Variants in CNTLN observed in about 807,000 individuals in gnomAD.
CNTLN encodes centlein.
Under a neutral mutation model 180.0 loss-of-function variants are expected in CNTLN, and 212 were observed. That is an observed-to-expected ratio of 1.18 (90% CI 1.05 to 1.32). The LOEUF (loss-of-function observed/expected upper bound fraction) is 1.32. CNTLN is among the 40% of genes most tolerant of loss of function. CNTLN has a pLI of 0.00. For missense variants in CNTLN, 2,095 were observed against 1,610.9 expected (o/e 1.30, Z -5.14); for synonymous variants, 722 against 563.1 (o/e 1.28, Z -3.99).
At chr9:17,135,790 T>A (rs1167440320) in intron 1 of CNTLN, among the ~76,000 whole-genome samples, 2 of 152,208 alleles carry the variant, frequency 1.3e-5, no homozygotes, top group African/African-American at 4.8e-5. Flanking sequence ...AGTCCACTAG[T>A]TGAAATGAAC....
chr9:17,270,098 C>G lies in CNTLN; in HGVS notation c.850-3635C>G, dbSNP rs143228357. On this transcript the variant is annotated intron_variant, in intron 5 of 25. Coordinates refer to ENST00000380647, the MANE Select transcript of CNTLN (RefSeq NM_017738.4). ...TGGCTGCTAATAAGAATGGTTTACT[C>G]TTTCTGTTAATATTTATATATTTAA... is the stretch of plus-strand genomic sequence containing the variant. 2.0e-5 allele frequency among the ~76,000 whole-genome samples: 3 copies of G among 151,894 alleles called. No individual in the cohort carries two copies. The East Asian group carries it at 5.8e-4, about 29-fold the overall frequency.
At chr9:17,368,179 G>T (rs1823993942) in intron 13 of CNTLN, among the ~76,000 whole-genome samples, 1 of 152,134 alleles carries the variant, frequency 6.6e-6, no homozygotes, top group East Asian at 1.9e-4. Flanking sequence ...GAGCCCTTGG[G>T]CTTTAAGGAA....
At chr9:17,412,923 A>C (rs1426967074) in intron 16 of CNTLN, among the ~76,000 whole-genome samples, 1 of 152,232 alleles carries the variant, frequency 6.6e-6, no homozygotes, top group Admixed American at 6.5e-5. Context: ...AGAATTAGAA[A>C]GTCTCAGCAA....
At chr9:17,500,330 T>C (rs1833675382) in intron 25 of CNTLN, among the ~76,000 whole-genome samples, 1 of 152,206 alleles carries the variant, frequency 6.6e-6, no homozygotes, top group African/African-American at 2.4e-5. Flanking sequence ...AGCTTGACTT[T>C]TTAAAGGTAA....
chr9:17,329,265 A>T (rs987614), intron 8 of CNTLN, among the ~76,000 whole-genome samples: 152,174 of 152,176 alleles, frequency 1, 76,086 homozygotes, highest in Non-Finnish European at 1. Context: ...CCTTTGAAAT[A>T]GTTTAGCTTG....
intron 5 of CNTLN, among the ~76,000 whole-genome samples, chr9:17,259,524 T>C (rs568994435): frequency 6.7e-6 from 1 of 150,242 alleles, no homozygotes; most frequent in East Asian, 2.0e-4. Context: ...CTTTTTCTAT[T>C]GATTGGAATA....
intron 6 of CNTLN, among the ~76,000 whole-genome samples, chr9:17,279,829 T>TGGGCCTTTAAGAGGCCGTTGGGTCATGA (rs71331479): frequency 0.36 from 44,299 of 122,144 alleles, 6,559 homozygotes; most frequent in South Asian, 0.54. Context: ...TGTGGGACAT[T>TGGGCCTTTAAGAGGCCGTTGGGTCATGA]GGGCTCTGCC....
chr9:17,285,001 A>ATT (rs61284504), intron 6 of CNTLN, among the ~76,000 whole-genome samples: 2,244 of 144,782 alleles, frequency 0.015, 56 homozygotes, highest in African/African-American at 0.053. Context: ...TTCTGCCTTA[A>ATT]TTTTTTTTTT....
Position 17,489,783 on chromosome 9 carries a change from G to A in CNTLN, c.4119+2717G>A, listed in dbSNP as rs532213813. On this transcript the variant is annotated intron_variant, in intron 25 of 25. Transcript: ENST00000380647. ...ACTCAGATATATGCCATTATTTCAA[G>A]TAGTTGTGATGCTATTGGTAATTTT... Among the ~76,000 whole-genome samples, 3 of 152,168 alleles carry A rather than the reference G, an allele frequency of 2.0e-5. No individual in the cohort carries two copies. In the East Asian group the frequency reaches 5.8e-4, roughly 29 times the overall value.
At chr9:17,363,865 A>AATATATATTTTTTAAAAT (rs1823596864) in intron 12 of CNTLN, among the ~76,000 whole-genome samples, 1 of 152,030 alleles carries the variant, frequency 6.6e-6, no homozygotes, top group African/African-American at 2.4e-5. Context: ...TTCTTCTTAA[A>AATATATATTTTTTAAAAT]ATATATATTT....
chr9:17,287,896 C>G (rs1405638194), intron 6 of CNTLN, among the ~76,000 whole-genome samples: 1 of 146,054 alleles, frequency 6.8e-6, no homozygotes, highest in Non-Finnish European at 1.5e-5. Context: ...ATTCTTCTCT[C>G]TTTTTTTCTT....
At chr9:17,247,032 C>A (rs1825837523) in intron 5 of CNTLN, among the ~76,000 whole-genome samples, 1 of 152,152 alleles carries the variant, frequency 6.6e-6, no homozygotes, top group African/African-American at 2.4e-5. Context: ...TCTTAATTCT[C>A]TACTCTCCTT....
chr9:17,187,236 T>C (rs1213639167), intron 2 of CNTLN, among the ~76,000 whole-genome samples: 2 of 152,112 alleles, frequency 1.3e-5, no homozygotes, highest in Non-Finnish European at 2.9e-5. Context: ...ATATCTGCTT[T>C]ATCTACTTTC....
intron 7 of CNTLN, among the ~76,000 whole-genome samples, chr9:17,307,964 C>G (rs1289117289): frequency 7.2e-6 from 1 of 137,958 alleles, no homozygotes; most frequent in Non-Finnish European, 1.5e-5. Flanking sequence ...TACTGTTAGC[C>G]TTTAAAACCA....
intron 24 of CNTLN, among the ~76,000 whole-genome samples, chr9:17,486,118 T>C (rs1463412031): frequency 6.6e-6 from 1 of 152,158 alleles, no homozygotes; most frequent in Admixed American, 6.5e-5. Flanking sequence ...GATTTCATTA[T>C]AGACCAGAGC....
chr9:17,215,752 T>C (rs112963874), intron 2 of CNTLN, among the ~76,000 whole-genome samples: 3,953 of 152,160 alleles, frequency 0.026, 175 homozygotes, highest in African/African-American at 0.089. Flanking sequence ...TCAGCAATGG[T>C]GGGCACCCCT....
At chr9:17,454,132 A>T (rs1247650666) in intron 18 of CNTLN, among the ~76,000 whole-genome samples, 1 of 152,220 alleles carries the variant, frequency 6.6e-6, no homozygotes, top group African/African-American at 2.4e-5. Context: ...ACTGAAGAGT[A>T]AGTTTTTCAG....
chr9:17,365,959 A>G (rs1261363006), intron 12 of CNTLN, among the ~76,000 whole-genome samples: 1 of 152,138 alleles, frequency 6.6e-6, no homozygotes, highest in Non-Finnish European at 1.5e-5. Context: ...ACAACCAAGA[A>G]GTGGTTGAGC....
intron 15 of CNTLN, among the ~76,000 whole-genome samples, chr9:17,405,119 GCAGCATTTGACA>G (rs1827276891): frequency 1.3e-5 from 2 of 151,798 alleles, no homozygotes; most frequent in African/African-American, 4.9e-5. Context: ...TGACCTCTCA[GCAGCATTTGACA>G]CAGTTGATTT....
Sources: gnomAD v4.1 joint callset for allele counts (sites outside exome capture counted in the v4.1 genomes callset) on GRCh38, gnomAD v4.1.1 for gene constraint, MANE v1.5 for transcripts, NCBI Gene and HGNC (gene_info 2026-07-23, HGNC 2026-07-21) for gene names.